Variants in FNIP1 observed in about 807,000 individuals in gnomAD.
The protein encoded by FNIP1 is folliculin interacting protein 1, also known as folliculin-interacting protein 1.
In FNIP1, 40 loss-of-function variants were observed where a neutral mutation model predicts 124.5. The ratio of observed to expected loss-of-function variants is 0.32; its 90% CI spans 0.25 to 0.42. The LOEUF (loss-of-function observed/expected upper bound fraction) is 0.42, where lower values mean the gene tolerates loss of function less well. Among genes scored for constraint, FNIP1 ranks in the 10% least tolerant of loss-of-function variants. The probability of loss-of-function intolerance (pLI) is 1.00; values close to 1 mark genes in which losing one functional copy is unlikely to be tolerated. For synonymous variants in FNIP1, 472 were observed against 470.6 expected (o/e 1.00, Z -0.04); for missense variants, 1,176 against 1,403.7 (o/e 0.84, Z 2.59).
rs146434047 is a variant in FNIP1 at position 131,655,202 on chromosome 5, T to C, written c.3109-3203A>G. ...AAAATAAGAAAAGTTAGGCATGTCATGAATACATAAAATATATGTGGATGC... is the reference window on the plus strand; with the variant it reads ...AAAATAAGAAAAGTTAGGCATGTCACGAATACATAAAATATATGTGGATGC... On this transcript the variant is annotated intron_variant, in intron 15 of 17. Transcript: ENST00000510461. 3.5e-3 allele frequency among the ~76,000 whole-genome samples: 538 copies of C among 152,236 alleles called. 2 individuals are homozygous for C. Among genetic ancestry groups the C allele is most frequent in the African/African-American group, 0.01 (434 of 41,520 alleles).
At chr5:131,679,706 ACT>A (rs1768017565) in intron 11 of FNIP1, among the ~76,000 whole-genome samples, 6 of 152,132 alleles carry the variant, frequency 3.9e-5, no homozygotes, top group Admixed American at 3.9e-4. Context: ...ACATTTTATG[ACT>A]CTCTCAACCT....
At chr5:131,794,815 A>C (rs533734477) in intron 1 of FNIP1, among the ~76,000 whole-genome samples, 1 of 152,326 alleles carries the variant, frequency 6.6e-6, no homozygotes, top group East Asian at 1.9e-4. Flanking sequence ...TGCAACAAAC[A>C]AGACAGACAC....
In FNIP1 at chr5:131,672,281, T is replaced by C; in HGVS notation, c.2163A>G (p.Ala721=). The C allele has an allele frequency of 1.2e-6, 2 of 1,614,186 alleles. No homozygotes were observed. Among genetic ancestry groups the C allele is most frequent in the South Asian group, 1.1e-5 (1 of 91,088 alleles). The change falls in exon 14 of 18, where the codon GCA becomes GCG. Residue 721 remains alanine (A), a synonymous_variant. Coordinates refer to ENST00000510461, the MANE Select transcript of FNIP1 (RefSeq NM_133372.3). ...CCACAACCATTCCTGTGGATCTCATTGCTTTGCCTGTGTGACTGTCTGAAT... is the reference window on the plus strand; with the variant it reads ...CCACAACCATTCCTGTGGATCTCATCGCTTTGCCTGTGTGACTGTCTGAAT... ...LLDSDSHTGK[A]MRSTGMVVEK... is the part of the protein sequence containing the mutation.
At chr5:131,664,634 C>CAAAAA (rs33956526) in intron 15 of FNIP1, among the ~76,000 whole-genome samples, 20 of 77,288 alleles carry the variant, frequency 2.6e-4, no homozygotes, top group South Asian at 5.0e-4. Context: ...GACCCTGTCT[C>CAAAAA]AAAAAAAAAA....
chr5:131,762,793 A>C (rs1199854208), intron 1 of FNIP1, among the ~76,000 whole-genome samples: 17 of 152,306 alleles, frequency 1.1e-4, no homozygotes, highest in Admixed American at 1.0e-3. Flanking sequence ...CTAAACGTCC[A>C]TCAACAGATG....
intron 11 of FNIP1, among the ~76,000 whole-genome samples, chr5:131,683,451 G>A (rs1768158210): frequency 6.6e-6 from 1 of 151,356 alleles, no homozygotes; most frequent in African/African-American, 2.4e-5. Context: ...TACTCGGAAG[G>A]CTGAGGCAGG....
At chr5:131,731,111 A>G (rs1770074054) in intron 2 of FNIP1, 73 bp from the exon 3 acceptor site, 2 of 1,412,770 alleles carry the variant, frequency 1.4e-6, no homozygotes, top group East Asian at 4.8e-5. Flanking sequence ...AAAGTATAAA[A>G]ACCTTTGGAA....
At chr5:131,740,003 A>G (rs1331668131) in intron 2 of FNIP1, among the ~76,000 whole-genome samples, 2 of 152,100 alleles carry the variant, frequency 1.3e-5, no homozygotes, top group East Asian at 3.9e-4. Flanking sequence ...CACCCCAAAC[A>G]CACAAAAATA....
At chr5:131,701,808 C>T (rs903950872) in intron 10 of FNIP1, among the ~76,000 whole-genome samples, 1 of 152,208 alleles carries the variant, frequency 6.6e-6, no homozygotes, top group African/African-American at 2.4e-5. Flanking sequence ...AGTTAATCTC[C>T]CCAAAGTACA....
intron 1 of FNIP1, among the ~76,000 whole-genome samples, chr5:131,765,992 C>T (rs1411400556): frequency 1.3e-5 from 2 of 152,104 alleles, no homozygotes; most frequent in African/African-American, 2.4e-5. Flanking sequence ...ATTGAGGATG[C>T]CAAATTATCT....
intron 3 of FNIP1, among the ~76,000 whole-genome samples, chr5:131,725,681 C>G (rs1008762359): frequency 1.3e-5 from 2 of 152,028 alleles, no homozygotes; most frequent in African/African-American, 4.8e-5. Flanking sequence ...ATTTGAATAC[C>G]CTTTATTTAT....
At chr5:131,660,431 G>T (rs1767390535) in intron 15 of FNIP1, among the ~76,000 whole-genome samples, 1 of 151,964 alleles carries the variant, frequency 6.6e-6, no homozygotes, top group African/African-American at 2.4e-5. Flanking sequence ...GACACCCTTG[G>T]CTCCACCTGG....
Position 131,663,246 on chromosome 5 carries a change from C to G in FNIP1, c.3108+7217G>C, listed in dbSNP as rs1767500207. ...AAGAATTTTTCTCTTGAGAGCTCCA[C>G]AGTTAGAAATCGACTTAATTAAATA... is the stretch of plus-strand genomic sequence containing the variant. On this transcript the variant is annotated intron_variant, in intron 15 of 17. Coordinates refer to ENST00000510461, the MANE Select transcript of FNIP1 (RefSeq NM_133372.3). Among the ~76,000 whole-genome samples the G allele has an allele frequency of 2.0e-5, 3 of 152,176 alleles. No individual in the cohort carries two copies. In the South Asian group the frequency reaches 6.2e-4, roughly 32 times the overall value.
chr5:131,672,905 A>G lies in FNIP1; in HGVS notation c.1539T>C (p.Ile513=), dbSNP rs1159049195. ...WAQLGDLYGA[I]GSPVRLARTV... is the part of the protein sequence containing the mutation. ...TCCTTGCTAACCGTACGGGAGAGCC[A>G]ATAGCGCCATACAAGTCTCCTGTAA... The change falls in exon 14 of 18, where the codon ATT becomes ATC. Residue 513 remains isoleucine (I), a synonymous_variant. Coordinates refer to ENST00000510461, the MANE Select transcript of FNIP1 (RefSeq NM_133372.3). 6.4e-7 allele frequency: 1 copy of G among 1,557,754 alleles called. No individual in the cohort carries two copies. Among genetic ancestry groups the G allele is most frequent in the African/African-American group, 1.4e-5 (1 of 72,418 alleles).
chr5:131,703,969 C>T (rs559400676), intron 10 of FNIP1, 96 bp downstream of exon 10: 69 of 1,055,678 alleles, frequency 6.5e-5, no homozygotes, highest in African/African-American at 3.7e-4. Context: ...ACATGCACAA[C>T]GTCTGTTAAT....
chr5:131,651,476 G>A (rs759123694), intron 16 of FNIP1, among the ~76,000 whole-genome samples: 12 of 152,286 alleles, frequency 7.9e-5, no homozygotes, highest in Middle Eastern at 3.4e-3. Flanking sequence ...GCATGGTTGG[G>A]TTCTGGTAAG....
intron 1 of FNIP1, among the ~76,000 whole-genome samples, chr5:131,785,014 ATAT>A (rs1772122025): frequency 1.4e-4 from 2 of 14,430 alleles, no homozygotes; most frequent in African/African-American, 3.9e-4. Context: ...ATGACTATAT[ATAT>A]GATATATATG....
intron 1 of FNIP1, among the ~76,000 whole-genome samples, chr5:131,772,221 C>T (rs1303051790): frequency 6.6e-6 from 1 of 152,078 alleles, no homozygotes; most frequent in African/African-American, 2.4e-5. Context: ...ATAAAAATCA[C>T]ATCAGTTCTT....
chr5:131,774,273 C>T (rs1321909403), intron 1 of FNIP1, among the ~76,000 whole-genome samples: 1 of 152,180 alleles, frequency 6.6e-6, no homozygotes, highest in Non-Finnish European at 1.5e-5. Context: ...ATCCATCCTC[C>T]CATCTTGGCC....
Sources: allele counts gnomAD v4.1 joint callset (sites outside exome capture counted in the v4.1 genomes callset), GRCh38; gene constraint gnomAD v4.1.1; transcripts MANE v1.5; gene names NCBI Gene and HGNC (gene_info 2026-07-23, HGNC 2026-07-21).